ETS1: variants seen among roughly 807,000 people sequenced by gnomAD.
The protein encoded by ETS1 is protein C-ets-1.
ETS1 carries 15 observed loss-of-function variants against 58.6 expected under a neutral mutation model. The observed-to-expected ratio is 0.26, with a 90% CI of 0.17 to 0.39. ETS1 has a LOEUF of 0.39. ETS1 is among the 10% of genes least tolerant of loss of function. The pLI, the probability that ETS1 is intolerant of heterozygous loss-of-function variation, is 1.00. For synonymous variants in ETS1, 214 were observed against 218.2 expected (o/e 0.98, Z 0.17); for missense variants, 417 against 610.5 (o/e 0.68, Z 3.34).
chr11:128,586,191 G>A (rs776178506), intron 1 of ETS1, among the ~76,000 whole-genome samples: 5 of 152,244 alleles, frequency 3.3e-5, no homozygotes, highest in Non-Finnish European at 5.9e-5. Context: ...AGTTGGCAAG[G>A]ATGGAAGTAG....
intron 3 of ETS1, among the ~76,000 whole-genome samples, chr11:128,531,938 A>T (rs1329717268): frequency 6.6e-6 from 1 of 152,198 alleles, no homozygotes; most frequent in Non-Finnish European, 1.5e-5. Flanking sequence ...CTCACTTCAC[A>T]GAAGTCTTTT....
intron 2 of ETS1, among the ~76,000 whole-genome samples, chr11:128,566,098 A>G (rs979310517): frequency 2.0e-5 from 3 of 152,228 alleles, no homozygotes; most frequent in African/African-American, 7.2e-5. Flanking sequence ...GGCTGTGACA[A>G]GAGAACTTTG....
chr11:128,510,358 C>T (rs1216933471), intron 3 of ETS1, among the ~76,000 whole-genome samples: 1 of 152,202 alleles, frequency 6.6e-6, no homozygotes, highest in African/African-American at 2.4e-5. Flanking sequence ...GACATGTGTC[C>T]ATATCTGGTG....
chr11:128,573,222 C>T (rs1319317892), intron 1 of ETS1, 78 bp from the exon 2 acceptor site: 3 of 1,032,672 alleles, frequency 2.9e-6, no homozygotes, highest in East Asian at 2.6e-5. Context: ...AAGACACGAA[C>T]CTTAGAACTA....
chr11:128,472,520 A>G (rs922443940), intron 8 of ETS1, among the ~76,000 whole-genome samples: 2 of 152,200 alleles, frequency 1.3e-5, no homozygotes, highest in African/African-American at 4.8e-5. Flanking sequence ...AGCCATGTTT[A>G]CAGCTCAGGT....
intron 3 of ETS1, among the ~76,000 whole-genome samples, chr11:128,491,694 G>C (rs777615794): frequency 6.6e-6 from 1 of 152,232 alleles, no homozygotes; most frequent in South Asian, 2.1e-4. Context: ...GAAAGTTATT[G>C]CATCAGTCCT....
chr11:128,579,834 G>A (rs1455011225), intron 1 of ETS1, among the ~76,000 whole-genome samples: 2 of 152,060 alleles, frequency 1.3e-5, no homozygotes, highest in Non-Finnish European at 2.9e-5. Flanking sequence ...CTATAGAAAT[G>A]TATTTTTGAA....
intron 3 of ETS1, among the ~76,000 whole-genome samples, chr11:128,553,894 C>T (rs559779065): frequency 1.8e-4 from 28 of 151,882 alleles, no homozygotes; most frequent in African/African-American, 6.0e-4. Flanking sequence ...AGCCATGAGA[C>T]GGAGGACGGG....
intron 3 of ETS1, among the ~76,000 whole-genome samples, chr11:128,513,954 A>G (rs557688955): frequency 6.2e-4 from 95 of 152,320 alleles, no homozygotes; most frequent in Admixed American, 1.0e-3. Context: ...ATACTAATGC[A>G]TCACACAACT....
chr11:128,556,297 C>A lies in ETS1; in HGVS notation c.208G>T (p.Val70Phe). The A allele has an allele frequency of 6.2e-7, 1 of 1,609,402 alleles. No individual in the cohort carries two copies. The highest frequency in any genetic ancestry group is 1.1e-5 in the South Asian group (1 of 90,264). ...QEVPTGLEHCVSDMECADVPL... is the reference protein window; with the variant it reads ...QEVPTGLEHCFSDMECADVPL... ...CTTTTGTTTATGTTCCTACCTGAGA[C>A]ACAGTGTTCAAGACCAGTAGGAACT... The change falls in exon 3 of 10, where the codon GTC becomes TTC. Residue 70 changes from valine to phenylalanine, a missense_variant. Physicochemically the swap from Val to Phe is conservative, Grantham distance 50. Coordinates refer to ENST00000392668, the MANE Select transcript of ETS1 (RefSeq NM_001143820.2).
At chr11:128,474,921 C>T (rs1445983626) in intron 8 of ETS1, among the ~76,000 whole-genome samples, 1 of 152,254 alleles carries the variant, frequency 6.6e-6, no homozygotes, top group African/African-American at 2.4e-5. Context: ...ATGGCTTCAG[C>T]AAGCCTGGAA....
intron 3 of ETS1, among the ~76,000 whole-genome samples, chr11:128,503,862 T>C (rs1364273359): frequency 6.6e-6 from 1 of 152,128 alleles, no homozygotes; most frequent in Non-Finnish European, 1.5e-5. Flanking sequence ...ACCCTGAGCA[T>C]GTTGGTAAGC....
chr11:128,470,893 T>C lies in ETS1; in HGVS notation c.1124-7266A>G, dbSNP rs34054238. Among the ~76,000 whole-genome samples the C allele has an allele frequency of 4.3e-3, 655 of 152,336 alleles. 3 individuals are homozygous for C. The highest frequency in any genetic ancestry group is 5.6e-3 in the Non-Finnish European group (383 of 68,034). On this transcript the variant is annotated intron_variant, in intron 8 of 9. Transcript: ENST00000392668. ...TAAGTTAGGGAAGACTCTGAAATCC[T>C]TGTTCCCATGTTAAAAGTGCACACG...
intron 3 of ETS1, among the ~76,000 whole-genome samples, chr11:128,506,762 A>G (rs541718943): frequency 2.0e-5 from 3 of 152,266 alleles, no homozygotes; most frequent in African/African-American, 7.2e-5. Flanking sequence ...GAGGCTGGGC[A>G]CGGGCCATTT....
At chr11:128,505,290 T>C (rs1199064764) in intron 3 of ETS1, 1 of 152,188 alleles carries the variant, frequency 6.6e-6, no homozygotes, top group Non-Finnish European at 1.5e-5. Context: ...GAACTTAATA[T>C]CAGGGGCACT....
At position 128,524,808 on chromosome 11, in the gene ETS1, A is replaced by C. The variant is rs533650322; in HGVS notation, c.214+31483T>G. The stretch of plus-strand genomic sequence containing the variant: ...GGCTTCCTAATTCAATGATTAAGTG[A>C]GTTTGATATGCTCTGGCTTGTGAAG... On this transcript the variant is annotated intron_variant, in intron 3 of 9. Transcript: ENST00000392668. 3.4e-3 allele frequency among the ~76,000 whole-genome samples: 521 copies of C among 152,312 alleles called. 4 individuals are homozygous for C. The highest frequency in any genetic ancestry group is 0.021 in the South Asian group (101 of 4,824).
chr11:128,517,425 A>T lies in ETS1; in HGVS notation c.215-26849T>A, dbSNP rs149482850. Among the ~76,000 whole-genome samples the T allele has an allele frequency of 9.9e-3, 1,510 of 152,364 alleles. 27 individuals are homozygous for T. Among genetic ancestry groups the T allele is most frequent in the African/African-American group, 0.034 (1,394 of 41,580 alleles). On this transcript the variant is annotated intron_variant, in intron 3 of 9. Coordinates refer to ENST00000392668, the MANE Select transcript of ETS1 (RefSeq NM_001143820.2). ...CTCAGAAACTCATTTTCCTCATCTG[A>T]AAAATGGAGAAAATAATACTTCCAC... is the stretch of plus-strand genomic sequence containing the variant.
At chr11:128,565,070 T>C (rs1197011614) in intron 2 of ETS1, among the ~76,000 whole-genome samples, 2 of 58,906 alleles carry the variant, frequency 3.4e-5, no homozygotes, top group Admixed American at 2.6e-4. Flanking sequence ...AATAAATGTG[T>C]TTGTAAGGAG....
intron 3 of ETS1, among the ~76,000 whole-genome samples, chr11:128,546,859 A>T (rs1864140347): frequency 6.6e-6 from 1 of 152,168 alleles, no homozygotes; most frequent in Admixed American, 6.5e-5. Flanking sequence ...TGCACTAGAA[A>T]GGCCATGAGA....
Sources: allele counts gnomAD v4.1 joint callset (sites outside exome capture counted in the v4.1 genomes callset), GRCh38; gene constraint gnomAD v4.1.1; transcripts MANE v1.5; gene names NCBI Gene and HGNC (gene_info 2026-07-23, HGNC 2026-07-21).